EEF1AKMT1: variants seen among roughly 807,000 people sequenced by gnomAD.
EEF1AKMT1 encodes N-6 adenine-specific DNA methyltransferase 2 (putative).
A neutral mutation model predicts 21.0 loss-of-function variants in EEF1AKMT1; 18 were observed. That is an observed-to-expected ratio of 0.86 (90% confidence interval 0.59 to 1.27). The LOEUF (loss-of-function observed/expected upper bound fraction) is 1.27. Among genes scored for constraint, EEF1AKMT1 ranks in the 50% most tolerant of loss-of-function variants. EEF1AKMT1 has a pLI of 0.00. For synonymous variants in EEF1AKMT1, 109 were observed against 94.8 expected, an observed-to-expected ratio of 1.15 and a Z score of -0.87; for missense variants, 246 against 258.6, an observed-to-expected ratio of 0.95 and a Z score of 0.33.
chr13:20,762,222 GC>G (rs1378741321), intron 1 of EEF1AKMT1, among the ~76,000 whole-genome samples: 2 of 136,982 alleles, frequency 1.5e-5, no homozygotes, highest in African/African-American at 5.6e-5. Context: ...TTGCTCTGTT[GC>G]CCAGGCTGGA....
rs75803659 is a variant in EEF1AKMT1 at position 20,768,354 on chromosome 13, G to A, written c.-20+5567C>T. Among the ~76,000 whole-genome samples the A allele has an allele frequency of 1.0e-2, 1,521 of 152,228 alleles. 29 individuals carry two copies. The highest frequency in any genetic ancestry group is 0.035 in the African/African-American group (1,441 of 41,528). On this transcript the variant is annotated intron_variant, in intron 1 of 4. Transcript: ENST00000382758. ...GTCTAGACTGATTACACCCCACTAC[G>A]GAGGCAAAACCCTTTGAAGTACTCT...
chr13:20,741,219 C>T (rs1009163889), intron 2 of EEF1AKMT1, among the ~76,000 whole-genome samples: 5 of 151,566 alleles, frequency 3.3e-5, no homozygotes, highest in African/African-American at 9.7e-5. Context: ...CAGAAATCGG[C>T]CCATGAGCCA....
chr13:20,740,022 T>C (rs1257515729), intron 2 of EEF1AKMT1, among the ~76,000 whole-genome samples: 1 of 152,140 alleles, frequency 6.6e-6, no homozygotes, highest in African/African-American at 2.4e-5. Context: ...CGGGAGCCCA[T>C]GGTGGGGGAG....
chr13:20,754,663 C>T (rs527256520), intron 2 of EEF1AKMT1, among the ~76,000 whole-genome samples: 38 of 149,866 alleles, frequency 2.5e-4, no homozygotes, highest in African/African-American at 8.9e-4. Flanking sequence ...AATCCCAGTA[C>T]TTTGGGAGGC....
chr13:20,744,971 G>T (rs2058894623), intron 2 of EEF1AKMT1, among the ~76,000 whole-genome samples: 2 of 152,066 alleles, frequency 1.3e-5, no homozygotes, highest in Non-Finnish European at 2.9e-5. Flanking sequence ...TTTTTGTCAG[G>T]TTTGTCAAAG....
At chr13:20,729,261 C>T (rs954900998) in intron 4 of EEF1AKMT1, 45 bp from the exon 5 acceptor site, 8 of 1,611,866 alleles carry the variant, frequency 5.0e-6, no homozygotes, top group Non-Finnish European at 6.8e-6. Flanking sequence ...ACAACCCAGC[C>T]GGAGCTCAGT....
At chr13:20,760,104 CAAAAAAA>C (rs56891551) in intron 1 of EEF1AKMT1, among the ~76,000 whole-genome samples, 5 of 56,240 alleles carry the variant, frequency 8.9e-5, no homozygotes, top group African/African-American at 3.6e-4. Flanking sequence ...GACTCTGTCT[CAAAAAAA>C]AAAAAAAAAA....
chr13:20,728,970 C>G lies in EEF1AKMT1; in HGVS notation c.*110G>C. The G allele has an allele frequency of 7.1e-7, 1 of 1,407,732 alleles. No individual in the cohort carries two copies. The highest frequency in any genetic ancestry group is 9.9e-7 in the Non-Finnish European group (1 of 1,010,498). 87.2% of individuals were successfully genotyped at this position (1,407,732 alleles called of 1,614,324 possible). A position where few individuals can be genotyped will look rare whatever the true frequency, so the allele number is the denominator to read the frequency against. ...TTTATTTTGAAAACCAGGCCAGGGACAGCTCCAGTTTGGGGGGAGGGGAAG... is the reference window on the plus strand; with the variant it reads ...TTTATTTTGAAAACCAGGCCAGGGAGAGCTCCAGTTTGGGGGGAGGGGAAG... On this transcript the variant is annotated 3_prime_UTR_variant, in exon 5 of 5. Coordinates refer to ENST00000382758, the MANE Select transcript of EEF1AKMT1 (RefSeq NM_001318939.2).
At position 20,729,002 on chromosome 13, in the gene EEF1AKMT1, T is replaced by C. The variant is rs2058775191; in HGVS notation, c.*78A>G. 1.3e-6 allele frequency: 2 copies of C among 1,575,578 alleles called. No individual in the cohort carries two copies. Among genetic ancestry groups the C allele is most frequent in the Non-Finnish European group, 1.7e-6 (2 of 1,148,628 alleles). Reference sequence around the variant, plus strand: ...AGTTTGGGGGGAGGGGAAGAGATTATAACTTTTAAATCTACTACGAAAATA... The same window carrying C: ...AGTTTGGGGGGAGGGGAAGAGATTACAACTTTTAAATCTACTACGAAAATA... On this transcript the variant is annotated 3_prime_UTR_variant, in exon 5 of 5. Coordinates refer to ENST00000382758, the MANE Select transcript of EEF1AKMT1 (RefSeq NM_001318939.2).
chr13:20,761,384 G>C (rs1188254936), intron 1 of EEF1AKMT1, among the ~76,000 whole-genome samples: 1 of 152,166 alleles, frequency 6.6e-6, no homozygotes, highest in Non-Finnish European at 1.5e-5. Context: ...AATTTACCCA[G>C]GTTGTTCTGT....
At chr13:20,756,860 A>G (rs1168029019) in intron 2 of EEF1AKMT1, among the ~76,000 whole-genome samples, 1 of 152,126 alleles carries the variant, frequency 6.6e-6, no homozygotes, top group African/African-American at 2.4e-5. Flanking sequence ...CTCACAAACC[A>G]ACAGCACACA....
intron 1 of EEF1AKMT1, among the ~76,000 whole-genome samples, chr13:20,766,207 G>A (rs1392353127): frequency 6.8e-6 from 1 of 147,262 alleles, no homozygotes; most frequent in Admixed American, 7.1e-5. Flanking sequence ...GCTGAGGCAG[G>A]AGAATCACTT....
At chr13:20,750,822 C>G (rs1328997771) in intron 2 of EEF1AKMT1, among the ~76,000 whole-genome samples, 1 of 152,146 alleles carries the variant, frequency 6.6e-6, no homozygotes, top group African/African-American at 2.4e-5. Flanking sequence ...TAAGAGTTCC[C>G]TTTCCTCCAC....
At chr13:20,757,765 A>T (rs6490614) in intron 1 of EEF1AKMT1, 148 bp from the exon 2 acceptor site, 5 of 642,290 alleles carry the variant, frequency 7.8e-6, no homozygotes, top group Non-Finnish European at 1.3e-5. Context: ...TAAGCCCCCC[A>T]GCCAACTGAA....
At chr13:20,760,735 A>G (rs886413437) in intron 1 of EEF1AKMT1, among the ~76,000 whole-genome samples, 4 of 152,050 alleles carry the variant, frequency 2.6e-5, no homozygotes, top group Admixed American at 2.0e-4. Flanking sequence ...AAAAAATTAA[A>G]AAGAATACAC....
chr13:20,746,203 A>G (rs896322399), intron 2 of EEF1AKMT1, among the ~76,000 whole-genome samples: 30 of 151,940 alleles, frequency 2.0e-4, no homozygotes, highest in Non-Finnish European at 4.3e-4. Context: ...CCCAGGCTGG[A>G]GTGCAATGGC....
chr13:20,739,017 C>T (rs112279215), intron 2 of EEF1AKMT1, among the ~76,000 whole-genome samples: 269 of 152,294 alleles, frequency 1.8e-3, no homozygotes, highest in African/African-American at 5.8e-3. Context: ...CCCAGAGTTC[C>T]TTCCTTCTGA....
chr13:20,766,203 G>A (rs2059030523), intron 1 of EEF1AKMT1, among the ~76,000 whole-genome samples: 3 of 149,190 alleles, frequency 2.0e-5, no homozygotes, highest in African/African-American at 2.5e-5. Flanking sequence ...GGAGGCTGAG[G>A]CAGGAGAATC....
chr13:20,739,247 G>A (rs750845894), intron 2 of EEF1AKMT1, among the ~76,000 whole-genome samples: 2 of 152,192 alleles, frequency 1.3e-5, no homozygotes, highest in African/African-American at 2.4e-5. Context: ...GAGTGTTACA[G>A]CTCATAAAGG....
Sources: gnomAD v4.1 joint callset for allele counts (sites outside exome capture counted in the v4.1 genomes callset) on GRCh38, gnomAD v4.1.1 for gene constraint, MANE v1.5 for transcripts, NCBI Gene and HGNC (gene_info 2026-07-23, HGNC 2026-07-21) for gene names.